SYNRG: variants seen among roughly 807,000 people sequenced by gnomAD.
SYNRG encodes the protein AP1 gamma subunit binding protein 1.
SYNRG carries 37 observed loss-of-function variants against 130.9 expected under a neutral mutation model. The ratio of observed to expected loss-of-function variants is 0.28; its 90% CI spans 0.22 to 0.37. SYNRG has a LOEUF of 0.37. Among genes scored for constraint, SYNRG ranks in the 10% least tolerant of loss-of-function variants. SYNRG has a pLI of 1.00. For missense variants in SYNRG, 1,338 were observed against 1,588.9 expected, an observed-to-expected ratio of 0.84 and a Z score of 2.68; for synonymous variants, 539 against 568.1, an observed-to-expected ratio of 0.95 and a Z score of 0.73.
intron 13 of SYNRG, among the ~76,000 whole-genome samples, chr17:37,557,807 C>T (rs2059228706): frequency 6.6e-6 from 1 of 151,896 alleles, no homozygotes; most frequent in Admixed American, 6.6e-5. Context: ...GACTGCGCCA[C>T]TGCACTCCAG....
intron 14 of SYNRG, among the ~76,000 whole-genome samples, chr17:37,543,590 G>A (rs1455854863): frequency 6.6e-6 from 1 of 152,202 alleles, no homozygotes; most frequent in Non-Finnish European, 1.5e-5. Context: ...ACTGTGTTAT[G>A]ACCATCAACC....
intron 13 of SYNRG, among the ~76,000 whole-genome samples, chr17:37,560,943 G>A (rs372376365): frequency 2.2e-4 from 34 of 152,310 alleles, no homozygotes; most frequent in Middle Eastern, 3.4e-3. Context: ...GGGATTACAG[G>A]CGTGAGCCAC....
intron 13 of SYNRG, among the ~76,000 whole-genome samples, chr17:37,560,040 G>T (rs1331363637): frequency 6.6e-6 from 1 of 152,090 alleles, no homozygotes; most frequent in Non-Finnish European, 1.5e-5. Context: ...TGGGGCCACA[G>T]GTGTGCACCA....
chr17:37,587,296 C>A (rs1204131389), intron 3 of SYNRG, among the ~76,000 whole-genome samples: 1 of 152,062 alleles, frequency 6.6e-6, no homozygotes, highest in African/African-American at 2.4e-5. Context: ...TAAGCGTGTG[C>A]CCTCGATGGC....
chr17:37,541,651 C>T (rs2057773440), intron 15 of SYNRG: 2 of 356,036 alleles, frequency 5.6e-6, no homozygotes, highest in East Asian at 4.7e-5. Flanking sequence ...GGAACATGAG[C>T]GGAGCTAATG....
rs2145987129 is a variant in SYNRG at position 37,570,769 on chromosome 17, T to C, written c.1215A>G (p.Ile405Met). Residue 405 changes from isoleucine (I) to methionine (M), a missense_variant, in exon 10 of 22, where the codon ATA (isoleucine) becomes ATG (methionine). This residue lies in a region of SYNRG where 1,146 missense variants were observed against 1,342.3 expected (regional missense o/e 0.85). Coordinates refer to ENST00000612223, the MANE Select transcript of SYNRG (RefSeq NM_007247.6). The part of the protein sequence containing the change: ...LPTPVSQPTV[I>M]PSGPAGSMPL... ...GCATGGAGCCCGCAGGACCTGAAGGTATCACAGTTGGCTGACTCACCGGTG... is the reference window on the plus strand; with the variant it reads ...GCATGGAGCCCGCAGGACCTGAAGGCATCACAGTTGGCTGACTCACCGGTG... The C allele has an allele frequency of 6.2e-7, 1 of 1,614,172 alleles. No homozygotes were observed. Among genetic ancestry groups the C allele is most frequent in the Non-Finnish European group, 8.5e-7 (1 of 1,180,038 alleles).
chr17:37,577,354 T>C (rs774036978), intron 7 of SYNRG, 26 bp downstream of exon 7: 1 of 1,606,112 alleles, frequency 6.2e-7, no homozygotes, highest in Non-Finnish European at 8.5e-7. Context: ...TAAACAAGTT[T>C]TTTGCTGAAT....
At position 37,590,008 on chromosome 17, in the gene SYNRG, TA is replaced by T. The variant is rs1378649809; in HGVS notation, c.241-3460del. Reference sequence around the variant, plus strand: ...CAACATGGTAAAATCCCATCTCTACTAAAAATACAAAAATTAGCCAGGCATG... The same window carrying T: ...CAACATGGTAAAATCCCATCTCTACTAAAATACAAAAATTAGCCAGGCATG... On this transcript the variant is annotated intron_variant, in intron 3 of 21. Transcript: ENST00000612223. Among the ~76,000 whole-genome samples the T allele has an allele frequency of 3.3e-5, 5 of 151,742 alleles. No homozygotes were observed. The East Asian group carries it at 7.8e-4, about 24-fold the overall frequency.
chr17:37,602,333 G>A (rs1407860599), intron 1 of SYNRG, among the ~76,000 whole-genome samples: 11 of 146,296 alleles, frequency 7.5e-5, no homozygotes, highest in Admixed American at 6.8e-5. Flanking sequence ...GTGAAACTCC[G>A]TTTCAAAAAA....
At chr17:37,571,332 A>G (rs1331552558) in intron 9 of SYNRG, among the ~76,000 whole-genome samples, 1 of 152,224 alleles carries the variant, frequency 6.6e-6, no homozygotes, top group Non-Finnish European at 1.5e-5. Flanking sequence ...CTGTAATCCC[A>G]GCACTTTGGG....
chr17:37,543,611 G>A (rs547530630), intron 14 of SYNRG, among the ~76,000 whole-genome samples: 2 of 152,336 alleles, frequency 1.3e-5, no homozygotes, highest in East Asian at 3.9e-4. Context: ...ATGATCATGT[G>A]TGTAAAAGGC....
chr17:37,520,178 CTTT>C lies in SYNRG; in HGVS notation c.3811_3813del (p.Lys1271del), dbSNP rs2054816877. 1.9e-6 allele frequency: 3 copies of C among 1,614,152 alleles called. No individual in the cohort carries two copies. The highest frequency in any genetic ancestry group is 2.5e-6 in the Non-Finnish European group (3 of 1,180,014). The stretch of plus-strand genomic sequence containing the variant: ...TAAGATAAGGTGTAACTGGTTCATA[CTTT>C]TTTAGGATGTTCTTCTGCAGGCTTC... On this transcript the variant is annotated inframe_deletion and splice_region_variant, in exon 21 of 22. Transcript: ENST00000612223.
rs1555699348 is a variant in SYNRG, at chr17:37,515,409, A to AAG, written c.*3530_*3531insCT. ...TGAATGGCAAATGTCTGAAAATGTCAGTTTATTAACTGTTCACAAAGGCAG... is the reference window on the plus strand; with the variant it reads ...TGAATGGCAAATGTCTGAAAATGTCAAGGTTTATTAACTGTTCACAAAGGCAG... On this transcript the variant is annotated 3_prime_UTR_variant, in exon 22 of 22. Coordinates refer to ENST00000612223, the MANE Select transcript of SYNRG (RefSeq NM_007247.6). 8.7e-5 allele frequency: 1 copy of AAG among 11,446 alleles called. No homozygotes were observed. Among genetic ancestry groups the AAG allele is most frequent in the Non-Finnish European group, 1.2e-4 (1 of 8,464 alleles). 0.7% of individuals were successfully genotyped at this position (11,446 alleles called of 1,614,324 possible). A position where few individuals can be genotyped will look rare whatever the true frequency, so the allele number is the denominator to read the frequency against.
chr17:37,575,555 A>C (rs1212723528), intron 8 of SYNRG, among the ~76,000 whole-genome samples: 1 of 151,966 alleles, frequency 6.6e-6, no homozygotes, highest in Non-Finnish European at 1.5e-5. Flanking sequence ...GTAAAGAAAA[A>C]GTAGGTCAGG....
chr17:37,525,777 C>T (rs936709144), intron 19 of SYNRG, among the ~76,000 whole-genome samples: 4 of 152,182 alleles, frequency 2.6e-5, no homozygotes, highest in Admixed American at 6.5e-5. Flanking sequence ...ACCAGCCTGG[C>T]CAACATGGTG....
chr17:37,572,102 G>A (rs1443499737), intron 8 of SYNRG, 115 bp from the exon 9 acceptor site: 5 of 870,224 alleles, frequency 5.7e-6, no homozygotes, highest in South Asian at 5.2e-5. Context: ...TAATAGAACC[G>A]AAGCCATGTC....
At chr17:37,528,822 C>A (rs1367428183) in intron 19 of SYNRG, among the ~76,000 whole-genome samples, 3 of 152,284 alleles carry the variant, frequency 2.0e-5, no homozygotes, top group South Asian at 2.1e-4. Flanking sequence ...ATGTAGTGGG[C>A]AACTCAAGTT....
At chr17:37,566,234 C>G (rs1238343224) in intron 11 of SYNRG, among the ~76,000 whole-genome samples, 3 of 151,780 alleles carry the variant, frequency 2.0e-5, no homozygotes, top group African/African-American at 7.3e-5. Context: ...CGGATGGTTG[C>G]CGTGTCTGTG....
In SYNRG at chr17:37,539,175, G is replaced by T. The variant is rs371790719; in HGVS notation, c.3420+17C>A. On this transcript the variant is annotated intron_variant, in intron 17 of 21. Coordinates refer to ENST00000612223, the MANE Select transcript of SYNRG (RefSeq NM_007247.6). ...AGAGCACTCACATATGTGTGAACGCGTAAGTGACATACTCACATTCAGGGC... is the reference window on the plus strand; with the variant it reads ...AGAGCACTCACATATGTGTGAACGCTTAAGTGACATACTCACATTCAGGGC... 6.2e-7 allele frequency: 1 copy of T among 1,613,768 alleles called. No individual in the cohort carries two copies. The highest frequency in any genetic ancestry group is 8.5e-7 in the Non-Finnish European group (1 of 1,179,908).
Sources: gnomAD v4.1 joint callset for allele counts (sites outside exome capture counted in the v4.1 genomes callset) on GRCh38, gnomAD v4.1.1 for gene constraint, gnomAD v4.1.1 regional missense constraint, MANE v1.5 for transcripts, NCBI Gene and HGNC (gene_info 2026-07-23, HGNC 2026-07-21) for gene names.